The following MON2 variants were observed in gnomAD, a reference collection of about 807,000 sequenced individuals.
MON2 encodes protein MON2 homolog.
A neutral mutation model predicts 208.6 loss-of-function variants in MON2; 84 were observed. That is an observed-to-expected ratio of 0.40 (90% CI 0.34 to 0.48). The LOEUF (loss-of-function observed/expected upper bound fraction) is 0.48. MON2 is among the 20% of genes least tolerant of loss of function. MON2 has a pLI of 0.59. For missense variants in MON2, 1,611 were observed against 2,015.4 expected (o/e 0.80, Z 3.84); for synonymous variants, 660 against 694.0 (o/e 0.95, Z 0.77).
At chr12:62,499,602 G>A (rs556163215) in intron 5 of MON2, among the ~76,000 whole-genome samples, 8 of 152,118 alleles carry the variant, frequency 5.3e-5, no homozygotes, top group Middle Eastern at 6.8e-3. Flanking sequence ...GGCTGGGTGC[G>A]GTGGCTCATG....
At chr12:62,503,493 T>C (rs2070944816) in intron 7 of MON2, among the ~76,000 whole-genome samples, 1 of 152,236 alleles carries the variant, frequency 6.6e-6, no homozygotes, top group African/African-American at 2.4e-5. Context: ...CCACTTACTA[T>C]AGTTGTTTGT....
chr12:62,513,536 T>G (rs2071523856), intron 8 of MON2, among the ~76,000 whole-genome samples: 1 of 152,084 alleles, frequency 6.6e-6, no homozygotes, highest in Non-Finnish European at 1.5e-5. Context: ...TGGGATTTTC[T>G]TTTCTATTGC....
At chr12:62,515,953 A>G (rs532700258) in intron 8 of MON2, among the ~76,000 whole-genome samples, 2 of 152,328 alleles carry the variant, frequency 1.3e-5, no homozygotes, top group East Asian at 3.9e-4. Context: ...TAATATTGAA[A>G]AGATTCCTGC....
intron 8 of MON2, among the ~76,000 whole-genome samples, chr12:62,513,724 G>A (rs1340023057): frequency 1.6e-5 from 2 of 123,014 alleles, no homozygotes; most frequent in Non-Finnish European, 1.9e-5. Flanking sequence ...AGGCAGGCGG[G>A]TCATGAGGTC....
At chr12:62,477,066 G>C (rs1053426217) in intron 1 of MON2, among the ~76,000 whole-genome samples, 8 of 151,998 alleles carry the variant, frequency 5.3e-5, no homozygotes, top group Non-Finnish European at 1.0e-4. Context: ...AGGAGGATTG[G>C]TTGAGCCCAG....
At chr12:62,589,783 A>G (rs1424043416) in intron 34 of MON2, among the ~76,000 whole-genome samples, 1 of 152,010 alleles carries the variant, frequency 6.6e-6, no homozygotes, top group Non-Finnish European at 1.5e-5. Context: ...AATGTGTATA[A>G]AGGGAGAAAA....
In MON2 at chr12:62,596,495, G is replaced by GT. The variant is rs1410534678; in HGVS notation, c.*3747dup. The GT allele has an allele frequency of 6.6e-6, 1 of 152,188 alleles. No homozygotes were observed. The highest frequency in any genetic ancestry group is 1.5e-5 in the Non-Finnish European group (1 of 68,048). 9.4% of individuals were successfully genotyped at this position (152,188 alleles called of 1,614,324 possible). ...CTCTGAAAGCATTGCCAGCAGCCAG[G>GT]TATGTTCCTTAGATTTCCACTTAGG... On this transcript the variant is annotated 3_prime_UTR_variant, in exon 35 of 35. Coordinates refer to ENST00000393630, the MANE Select transcript of MON2 (RefSeq NM_015026.3).
Position 62,544,908 on chromosome 12 carries a change from A to G in MON2, c.2477A>G (p.His826Arg). 6.2e-7 allele frequency: 1 copy of G among 1,606,748 alleles called. No individual in the cohort carries two copies. The highest frequency in any genetic ancestry group is 8.5e-7 in the Non-Finnish European group (1 of 1,176,706). Residue 826 changes from histidine to arginine, a missense_variant, in exon 21 of 35, where the codon CAT becomes CGT. Coordinates refer to ENST00000393630, the MANE Select transcript of MON2 (RefSeq NM_015026.3). The stretch of plus-strand genomic sequence containing the variant: ...TTTATATACCTTCAGGTCTGCCAGC[A>G]TCCAAACTCTCGAATGAGAGAATGG... ...LTGHLLEVCQ[H>R]PNSRMREWGA...
At chr12:62,525,575 GTCA>G (rs10554853) in intron 10 of MON2, among the ~76,000 whole-genome samples, 131,755 of 151,892 alleles carry the variant, frequency 0.87, 57,388 homozygotes, top group African/African-American at 0.93. Flanking sequence ...GGTTAACATG[GTCA>G]TTGGAGTTTG....
At chr12:62,554,432 G>A (rs542216305) in intron 24 of MON2, among the ~76,000 whole-genome samples, 30 of 152,284 alleles carry the variant, frequency 2.0e-4, no homozygotes, top group Admixed American at 7.8e-4. Flanking sequence ...GAAGCTTGAT[G>A]CTGCTGGTTA....
Position 62,554,830 on chromosome 12 carries a change from T to TTG in MON2, c.3211-1152_3211-1151dup, listed in dbSNP as rs767262421. Reference sequence around the variant, plus strand: ...TTGTCCTGGACCCCTCTCCTTACCTTTGTGTGTGTGTGTTTTTGTTTTGTC... The same window carrying TTG: ...TTGTCCTGGACCCCTCTCCTTACCTTTGTGTGTGTGTGTGTTTTTGTTTTGTC... On this transcript the variant is annotated intron_variant, in intron 24 of 34. Transcript: ENST00000393630. 3.9e-5 allele frequency among the ~76,000 whole-genome samples: 6 copies of TTG among 152,066 alleles called. No individual in the cohort carries two copies. The South Asian group carries it at 1.0e-3, about 26-fold the overall frequency.
At chr12:62,574,484 C>T (rs971449569) in intron 30 of MON2, among the ~76,000 whole-genome samples, 25 of 152,228 alleles carry the variant, frequency 1.6e-4, no homozygotes, top group Non-Finnish European at 2.5e-4. Context: ...TCAGGTGATT[C>T]TCCCACCTCA....
At chr12:62,475,282 G>A (rs918222638) in intron 1 of MON2, among the ~76,000 whole-genome samples, 1 of 151,922 alleles carries the variant, frequency 6.6e-6, no homozygotes, top group African/African-American at 2.4e-5. Flanking sequence ...TCTTGCCCAG[G>A]CTGGAGTGTA....
intron 29 of MON2, among the ~76,000 whole-genome samples, chr12:62,568,574 G>A (rs955892788): frequency 6.6e-6 from 1 of 152,076 alleles, no homozygotes. Flanking sequence ...CCTGGCCTCA[G>A]GCAGTCCTCT....
At chr12:62,566,093 G>T in intron 28 of MON2, 62 bp downstream of exon 28, 2 of 1,523,650 alleles carry the variant, frequency 1.3e-6, no homozygotes, top group South Asian at 2.4e-5. Context: ...CATCTTTCCC[G>T]GTTCTTGGTA....
chr12:62,467,442 C>A lies in MON2; in HGVS notation c.111+124C>A, dbSNP rs2068571998. ...GCCTCACCTTTCCAGATTTGTGAGT[C>A]GGTGGGTTGTTCCACAAGGGCTTTT... On this transcript the variant is annotated intron_variant, in intron 1 of 34. Transcript: ENST00000393630. 9 of 751,564 alleles carry A rather than the reference C, an allele frequency of 1.2e-5. No individual in the cohort carries two copies. In the East Asian group the frequency reaches 2.4e-4, roughly 20 times the overall value. 46.6% of individuals were successfully genotyped at this position (751,564 alleles called of 1,614,324 possible). A position where few individuals can be genotyped will look rare whatever the true frequency, so the allele number is the denominator to read the frequency against.
intron 7 of MON2, among the ~76,000 whole-genome samples, chr12:62,504,375 G>T (rs912519627): frequency 1.3e-5 from 2 of 151,376 alleles, no homozygotes; most frequent in African/African-American, 2.4e-5. Flanking sequence ...CTCCCGAGTA[G>T]TTGGGACCAC....
At chr12:62,561,225 T>A in intron 26 of MON2, 112 bp downstream of exon 26, 1 of 862,238 alleles carries the variant, frequency 1.2e-6, no homozygotes, top group Non-Finnish European at 1.7e-6. Flanking sequence ...GTTTTATATG[T>A]ATACTTTGGG....
At position 62,548,418 on chromosome 12, in the gene MON2, G is replaced by A. The variant is rs79001685; in HGVS notation, c.2754-1250G>A. On this transcript the variant is annotated intron_variant, in intron 22 of 34. Transcript: ENST00000393630. ...ACATATGGACTTGTTTAACTTTTGGGGTAGGAGATTGCAGTGGAGAGATTA... is the reference window on the plus strand; with the variant it reads ...ACATATGGACTTGTTTAACTTTTGGAGTAGGAGATTGCAGTGGAGAGATTA... Among the ~76,000 whole-genome samples, 659 of 152,232 alleles carry A rather than the reference G, an allele frequency of 4.3e-3. 9 individuals are homozygous for A. The East Asian group carries it at 0.047, about 11-fold the overall frequency.
Sources: gnomAD v4.1 joint callset for allele counts (sites outside exome capture counted in the v4.1 genomes callset) on GRCh38, gnomAD v4.1.1 for gene constraint, MANE v1.5 for transcripts, NCBI Gene and HGNC (gene_info 2026-07-23, HGNC 2026-07-21) for gene names.